Variants in TSPOAP1 observed in about 807,000 individuals in gnomAD.
The protein encoded by TSPOAP1 is peripheral-type benzodiazepine receptor-associated protein 1.
A neutral mutation model predicts 197.0 loss-of-function variants in TSPOAP1; 87 were observed. That is an observed-to-expected ratio of 0.44 (90% confidence interval 0.37 to 0.53). The LOEUF (loss-of-function observed/expected upper bound fraction) is 0.53. Ranked by LOEUF, TSPOAP1 falls within the 20% of genes least tolerant of loss-of-function variation. The pLI is 0.00. For synonymous variants in TSPOAP1, 913 were observed against 998.9 expected, an observed-to-expected ratio of 0.91 and a Z score of 1.62; for missense variants, 2,174 against 2,411.3, an observed-to-expected ratio of 0.90 and a Z score of 2.06.
chr17:58,310,813 TC>T lies in TSPOAP1; in HGVS notation c.3459+22del, dbSNP rs559272773. 1,384 of 1,577,080 alleles carry T rather than the reference TC, an allele frequency of 8.8e-4. 2 individuals are homozygous for T. Among genetic ancestry groups the T allele is most frequent in the Admixed American group, 1.9e-3 (111 of 57,092 alleles). Reference sequence around the variant, plus strand: ...GGTCCCTCTGCCAGCCTGCACCTGCTCCCCTCTCCCCAGACAGGGTACCTGG... The same window carrying T: ...GGTCCCTCTGCCAGCCTGCACCTGCTCCCTCTCCCCAGACAGGGTACCTGG... On this transcript the variant is annotated intron_variant, in intron 19 of 31. Coordinates refer to ENST00000343736, the MANE Select transcript of TSPOAP1 (RefSeq NM_004758.4).
intron 16 of TSPOAP1, 83 bp downstream of exon 16, chr17:58,315,932 AATGGATGG>A: frequency 6.6e-6 from 4 of 608,394 alleles, no homozygotes; most frequent in Admixed American, 2.3e-5. Context: ...TGGATGGATG[AATGGATGG>A]ATGGATGGAT....
Position 58,326,572 on chromosome 17 carries a change from T to C in TSPOAP1, c.441+111A>G, listed in dbSNP as rs1290675488. On this transcript the variant is annotated intron_variant, in intron 2 of 31. Transcript: ENST00000343736. The surrounding 1 kb of genome is among the most constrained non-coding windows in gnomAD (Gnocchi z 4.7). ...TCACCCTCTCTGGGTCTCAGGATTT[T>C]GTCACCTCCATTGAGCCCCCACTTG... The C allele has an allele frequency of 3.9e-6, 6 of 1,529,350 alleles. No homozygotes were observed. In the East Asian group the frequency reaches 1.4e-4, roughly 35 times the overall value. 94.7% of individuals were successfully genotyped at this position (1,529,350 alleles called of 1,614,324 possible).
Position 58,326,472 on chromosome 17 carries a change from C to T in TSPOAP1, c.442-51G>A. 6.2e-7 allele frequency: 1 copy of T among 1,602,210 alleles called. No homozygotes were observed. Among genetic ancestry groups the T allele is most frequent in the East Asian group, 2.2e-5 (1 of 44,788 alleles). ...GGCATGTAGGGAGCACCCCACAGAC[C>T]CAGTCCTAACAGCCCAAGTCTTGGG... On this transcript the variant is annotated intron_variant, in intron 2 of 31. Transcript: ENST00000343736. The surrounding 1 kb of genome is among the most constrained non-coding windows in gnomAD (Gnocchi z 4.7).
intron 26 of TSPOAP1, 79 bp downstream of exon 26, chr17:58,306,263 G>C: frequency 7.2e-7 from 1 of 1,379,634 alleles, no homozygotes; most frequent in East Asian, 2.5e-5. Context: ...GCACCTGAGA[G>C]AAAACAGACA....
chr17:58,308,411 GC>G, intron 22 of TSPOAP1, 129 bp downstream of exon 22: 1 of 1,351,800 alleles, frequency 7.4e-7, no homozygotes, highest in South Asian at 1.6e-5. Flanking sequence ...AGGTGAGGGA[GC>G]CCGGAGGCCC....
rs1320651239 is a variant in TSPOAP1 at position 58,306,974 on chromosome 17, G to C, written c.4984-6C>G. ...GCATCCTTGTCCCCAAACACCTGGA[G>C]GCAAAACCAGTGGTCTCAGCCAGTT... On this transcript the variant is annotated splice_polypyrimidine_tract_variant and splice_region_variant and intron_variant, in intron 24 of 31. Coordinates refer to ENST00000343736, the MANE Select transcript of TSPOAP1 (RefSeq NM_004758.4). 3 of 1,610,782 alleles carry C rather than the reference G, an allele frequency of 1.9e-6. No homozygotes were observed. The highest frequency in any genetic ancestry group is 2.2e-5 in the South Asian group (2 of 91,056).
Position 58,309,361 on chromosome 17 carries a change from C to T in TSPOAP1, c.3911G>A (p.Cys1304Tyr), listed in dbSNP as rs142234067. The T allele has an allele frequency of 1.5e-3, 2,375 of 1,611,516 alleles. 3 individuals carry two copies. Among genetic ancestry groups the T allele is most frequent in the Middle Eastern group, 5.0e-3 (30 of 6,060 alleles). The part of the protein sequence containing the change: ...NGAKSQPDPF[C>Y]ETDSDEEILE... Reference sequence around the variant, plus strand: ...GATCTCCTCATCGCTGTCAGTCTCACAAAAGGGGTCGGGCTGGGACTGGTG... The same window carrying T: ...GATCTCCTCATCGCTGTCAGTCTCATAAAAGGGGTCGGGCTGGGACTGGTG... Residue 1304 changes from cysteine (C) to tyrosine (Y), a missense_variant, in exon 22 of 32, where the codon TGT (cysteine) becomes TAT (tyrosine). Coordinates refer to ENST00000343736, the MANE Select transcript of TSPOAP1 (RefSeq NM_004758.4). The surrounding 1 kb of genome is among the most constrained non-coding windows in gnomAD (Gnocchi z 5.0).
chr17:58,315,323 G>T (rs547540182), intron 16 of TSPOAP1, among the ~76,000 whole-genome samples: 10 of 152,238 alleles, frequency 6.6e-5, no homozygotes, highest in African/African-American at 1.4e-4. Flanking sequence ...CTCTCGCCCT[G>T]CCCTGTCCAT....
rs148870412 is a variant in TSPOAP1, at chr17:58,307,237, T to G, written c.4984-269A>C. ...CCTTAGTCTCAGAGCAATAGCAAAA[T>G]GCCTTTAATCAATACTTGGAGGAGT... On this transcript the variant is annotated intron_variant, in intron 24 of 31. Transcript: ENST00000343736. 1.5e-3 allele frequency among the ~76,000 whole-genome samples: 236 copies of G among 152,286 alleles called. 1 individual carries two copies. Among genetic ancestry groups the G allele is most frequent in the African/African-American group, 5.3e-3 (220 of 41,548 alleles).
Position 58,328,152 on chromosome 17 carries a change from T to C in TSPOAP1, c.-232A>G, listed in dbSNP as rs1487624123. 28 of 573,014 alleles carry C rather than the reference T, an allele frequency of 4.9e-5. No homozygotes were observed. In the East Asian group the frequency reaches 8.0e-4, roughly 16 times the overall value. The allele number at this position is 573,014 out of a possible 1,614,324, so 35.5% of individuals were successfully genotyped here. A position where few individuals can be genotyped will look rare whatever the true frequency, so the allele number is the denominator to read the frequency against. On this transcript the variant is annotated 5_prime_UTR_variant, in exon 1 of 32. Coordinates refer to ENST00000343736, the MANE Select transcript of TSPOAP1 (RefSeq NM_004758.4). The surrounding 1 kb of genome is among the most constrained non-coding windows in gnomAD (Gnocchi z 4.3). ...TGAGCTATGTTTGCTGGTAGCTGTG[T>C]GTGTGCGCGAGTATGTGGAGGAGCG...
Position 58,326,765 on chromosome 17 carries a change from T to C in TSPOAP1, c.359A>G (p.Asp120Gly), listed in dbSNP as rs775315635. Residue 120 changes from aspartate (D) to glycine (G), a missense_variant, in exon 2 of 32, where the codon GAC (aspartate) becomes GGC (glycine). This residue lies in a region of TSPOAP1 where 1,933 missense variants were observed against 2,139.0 expected (regional missense o/e 0.90). Coordinates refer to ENST00000343736, the MANE Select transcript of TSPOAP1 (RefSeq NM_004758.4). The surrounding 1 kb of genome is among the most constrained non-coding windows in gnomAD (Gnocchi z 4.7). ...LKAKLNMSFG[D>G]RPNLELLRAL... The stretch of plus-strand genomic sequence containing the variant: ...CCTCAGCAGCTCCAGATTGGGCCTG[T>C]CCCCAAAGCTCATATTCAGCTTGGC... 2.5e-6 allele frequency: 4 copies of C among 1,613,832 alleles called. No individual in the cohort carries two copies. The South Asian group carries it at 3.3e-5, about 13-fold the overall frequency.
At chr17:58,327,461 CACAG>C in intron 1 of TSPOAP1, 123 bp downstream of exon 1, 1 of 897,248 alleles carries the variant, frequency 1.1e-6, no homozygotes, top group Non-Finnish European at 1.7e-6. Flanking sequence ...GAGATGGACC[CACAG>C]ACAGGCCAAG....
rs1005543696 is a variant in TSPOAP1, at chr17:58,323,451, C to G, written c.1020+17G>C. Reference sequence around the variant, plus strand: ...TGCCCACAGCAGGCTGCCTCCAGCCCTTGACCTAGGACTTACCAGCTGCTG... The same window carrying G: ...TGCCCACAGCAGGCTGCCTCCAGCCGTTGACCTAGGACTTACCAGCTGCTG... On this transcript the variant is annotated intron_variant, in intron 6 of 31. Transcript: ENST00000343736. The G allele has an allele frequency of 6.2e-7, 1 of 1,614,244 alleles. No individual in the cohort carries two copies. The highest frequency in any genetic ancestry group is 1.7e-5 in the Admixed American group (1 of 60,022).
At position 58,308,526 on chromosome 17, in the gene TSPOAP1, GGAGT is replaced by G; in HGVS notation, c.4731+11_4731+14del. On this transcript the variant is annotated intron_variant, in intron 22 of 31. Coordinates refer to ENST00000343736, the MANE Select transcript of TSPOAP1 (RefSeq NM_004758.4). ...AGCAGGCAGGGGCTGCCCAGGGCGG[GGAGT>G]GAGCACGGACCCGGGAGAGTGGCTC... The G allele has an allele frequency of 6.6e-7, 1 of 1,508,356 alleles. No homozygotes were observed. The highest frequency in any genetic ancestry group is 8.9e-7 in the Non-Finnish European group (1 of 1,129,440). The allele number at this position is 1,508,356 out of a possible 1,614,324, so 93.4% of individuals were successfully genotyped here.
Position 58,322,577 on chromosome 17 carries a change from A to C in TSPOAP1, c.1317+77T>G, listed in dbSNP as rs559610118. On this transcript the variant is annotated intron_variant, in intron 9 of 31. Coordinates refer to ENST00000343736, the MANE Select transcript of TSPOAP1 (RefSeq NM_004758.4). The surrounding 1 kb of genome is among the most constrained non-coding windows in gnomAD (Gnocchi z 5.0). ...CCAGGCCTCAGAGCTAGTGCCCCTC[A>C]CTAAGAATATTCTGCTGTCCCACTT... The C allele has an allele frequency of 4.4e-5, 70 of 1,584,532 alleles. 1 individual carries two copies. The Admixed American group carries it at 7.3e-4, about 16-fold the overall frequency.
chr17:58,327,694 T>C lies in TSPOAP1; in HGVS notation c.227A>G (p.Asp76Gly), dbSNP rs1376660324. ...DGSSRPVGGT[D>G]PEGAEACLPS... ...CAGACAAGCCTCTGCTCCTTCAGGG[T>C]CAGTTCCCCCCACGGGCCTGGAGCT... The change falls in exon 1 of 32, where the codon GAC becomes GGC. Residue 76 changes from aspartate (D) to glycine (G), a missense_variant. By Grantham distance (94) the Asp-to-Gly change is moderately conservative. Around this residue, in one of 5 missense-constraint regions of TSPOAP1, gnomAD observed 1,933 missense variants for 2,139.0 expected, o/e 0.90. Transcript: ENST00000343736. 2 of 1,613,860 alleles carry C rather than the reference T, an allele frequency of 1.2e-6. No homozygotes were observed. Among genetic ancestry groups the C allele is most frequent in the African/African-American group, 2.7e-5 (2 of 74,922 alleles).
At position 58,322,920 on chromosome 17, in the gene TSPOAP1, G is replaced by T; in HGVS notation, c.1194+30C>A. 6.2e-7 allele frequency: 1 copy of T among 1,605,852 alleles called. No homozygotes were observed. The highest frequency in any genetic ancestry group is 8.5e-7 in the Non-Finnish European group (1 of 1,176,026). On this transcript the variant is annotated intron_variant, in intron 8 of 31. Transcript: ENST00000343736. This position sits in a 1 kb window ranked among gnomAD's most constrained non-coding sequence, Gnocchi z 5.0. Reference sequence around the variant, plus strand: ...GACCGGGGCAGTGGTGGGAGCACAGGTCTCCACAGCACCTGGGCGGAAGTG... The same window carrying T: ...GACCGGGGCAGTGGTGGGAGCACAGTTCTCCACAGCACCTGGGCGGAAGTG...
In TSPOAP1 at chr17:58,305,685, C is replaced by T. The variant is rs200803316; in HGVS notation, c.5258-42G>A. 10 of 1,352,808 alleles carry T rather than the reference C, an allele frequency of 7.4e-6. No homozygotes were observed. The East Asian group carries it at 1.9e-4, about 25-fold the overall frequency. 83.8% of individuals were successfully genotyped at this position (1,352,808 alleles called of 1,614,324 possible). On this transcript the variant is annotated intron_variant, in intron 27 of 31. Coordinates refer to ENST00000343736, the MANE Select transcript of TSPOAP1 (RefSeq NM_004758.4). The stretch of plus-strand genomic sequence containing the variant: ...AGAAGACTCTGGACTCTCTGGAGAG[C>T]CCTACACCCCATCCTGTCTTCTGCC...
At position 58,301,664 on chromosome 17, in the gene TSPOAP1, G is replaced by T. The variant is rs1292894599; in HGVS notation, c.*816C>A. 2 of 152,952 alleles carry T rather than the reference G, an allele frequency of 1.3e-5. No individual in the cohort carries two copies. Among genetic ancestry groups the T allele is most frequent in the African/African-American group, 4.8e-5 (2 of 41,468 alleles). 9.5% of individuals were successfully genotyped at this position (152,952 alleles called of 1,614,324 possible). On this transcript the variant is annotated 3_prime_UTR_variant, in exon 32 of 32. Transcript: ENST00000343736. ...AAGGATGGAGCACGACGGGGGCAGG[G>T]TGGGGCCCACTTTGGCTTGGCCTTT...
Sources: gnomAD v4.1 joint callset for allele counts (sites outside exome capture counted in the v4.1 genomes callset) on GRCh38, gnomAD v4.1.1 for gene constraint, gnomAD v4.1.1 regional missense constraint, Gnocchi (gnomAD v3.1) non-coding constraint, MANE v1.5 for transcripts, NCBI Gene and HGNC (gene_info 2026-07-23, HGNC 2026-07-21) for gene names.